TACR1: variants seen among roughly 807,000 people sequenced by gnomAD.
TACR1 encodes tachykinin receptor 1.
TACR1 carries 25 observed loss-of-function variants against 35.8 expected under a neutral mutation model. That is an observed-to-expected ratio of 0.70 (90% confidence interval 0.51 to 0.98). The LOEUF is 0.98. TACR1 is among the 50% of genes least tolerant of loss of function. The pLI, the probability that TACR1 is intolerant of heterozygous loss-of-function variation, is 0.00. For missense variants in TACR1, 478 were observed against 522.9 expected (o/e 0.91, Z 0.84); for synonymous variants, 195 against 206.7 (o/e 0.94, Z 0.48).
intron 2 of TACR1, among the ~76,000 whole-genome samples, chr2:75,074,634 A>T (rs1672943135): frequency 6.6e-6 from 1 of 152,164 alleles, no homozygotes; most frequent in African/African-American, 2.4e-5. Flanking sequence ...AAAGTGAGAA[A>T]ACTCTTTCAC....
intron 1 of TACR1, chr2:75,187,728 T>C (rs1208212594): frequency 6.6e-6 from 1 of 152,222 alleles, no homozygotes; most frequent in Non-Finnish European, 1.5e-5. Context: ...GGTTCATGCA[T>C]TTGTGAAGCA....
At chr2:75,078,718 C>T (rs1202175555) in intron 2 of TACR1, among the ~76,000 whole-genome samples, 1 of 152,150 alleles carries the variant, frequency 6.6e-6, no homozygotes, top group Non-Finnish European at 1.5e-5. Flanking sequence ...ATTTTCTTTG[C>T]ATCAGAAGAG....
chr2:75,099,159 C>G lies in TACR1; in HGVS notation c.584+21415G>C, dbSNP rs146950668. The stretch of plus-strand genomic sequence containing the variant: ...CAGCTCTGGCTCGGAGCCTCCCTCA[C>G]TATCCCAGCCTCTGTCTCACCCCAG... On this transcript the variant is annotated intron_variant, in intron 2 of 4. Coordinates refer to ENST00000305249, the MANE Select transcript of TACR1 (RefSeq NM_001058.4). Among the ~76,000 whole-genome samples, 804 of 152,274 alleles carry G rather than the reference C, an allele frequency of 5.3e-3. 3 individuals are homozygous for G. The highest frequency in any genetic ancestry group is 9.2e-3 in the Admixed American group (141 of 15,288).
chr2:75,073,135 C>A (rs1381530199), intron 2 of TACR1, among the ~76,000 whole-genome samples: 1 of 152,194 alleles, frequency 6.6e-6, no homozygotes, highest in Non-Finnish European at 1.5e-5. Flanking sequence ...TGTTTGGAAA[C>A]CCCTGAGAAT....
At chr2:75,194,447 G>A (rs3755469) in intron 1 of TACR1, among the ~76,000 whole-genome samples, 85,803 of 151,968 alleles carry the variant, frequency 0.56, 26,657 homozygotes, top group African/African-American at 0.85. Flanking sequence ...TGGGGTGAGG[G>A]AAGACTGCTC....
At chr2:75,079,694 A>C (rs1339252549) in intron 2 of TACR1, among the ~76,000 whole-genome samples, 1 of 148,922 alleles carries the variant, frequency 6.7e-6, no homozygotes, top group East Asian at 1.9e-4. Flanking sequence ...GGATTCATTT[A>C]CATCTCAGGA....
At chr2:75,075,575 T>C (rs1270009646) in intron 2 of TACR1, among the ~76,000 whole-genome samples, 1 of 152,126 alleles carries the variant, frequency 6.6e-6, no homozygotes, top group Non-Finnish European at 1.5e-5. Flanking sequence ...TTTGTAAAAA[T>C]AAAAATATAT....
intron 1 of TACR1, among the ~76,000 whole-genome samples, chr2:75,123,095 A>G (rs1674002166): frequency 6.6e-6 from 1 of 152,220 alleles, no homozygotes; most frequent in South Asian, 2.1e-4. Flanking sequence ...CCAGATGGTC[A>G]TGGCCAGAAC....
intron 1 of TACR1, among the ~76,000 whole-genome samples, chr2:75,147,417 A>T (rs1490963947): frequency 6.6e-6 from 1 of 152,188 alleles, no homozygotes; most frequent in Non-Finnish European, 1.5e-5. Context: ...ATTTTTAAAA[A>T]TTTTTATTTT....
intron 1 of TACR1, among the ~76,000 whole-genome samples, chr2:75,124,934 T>G (rs947351994): frequency 6.6e-6 from 1 of 152,186 alleles, no homozygotes; most frequent in African/African-American, 2.4e-5. Context: ...AGTAAGGTGG[T>G]CTACGGCCAG....
intron 2 of TACR1, among the ~76,000 whole-genome samples, chr2:75,085,989 T>C (rs542810126): frequency 6.6e-6 from 1 of 152,318 alleles, no homozygotes; most frequent in Non-Finnish European, 1.5e-5. Context: ...ATTATGAAAG[T>C]AATAGTTTCT....
intron 1 of TACR1, among the ~76,000 whole-genome samples, chr2:75,181,302 TC>T (rs1675552461): frequency 6.6e-6 from 1 of 152,044 alleles, no homozygotes; most frequent in African/African-American, 2.4e-5. Context: ...AAAGCTTCTT[TC>T]CAAAATTTCC....
chr2:75,140,772 T>C (rs1303372841), intron 1 of TACR1, among the ~76,000 whole-genome samples: 3 of 152,196 alleles, frequency 2.0e-5, no homozygotes. Context: ...TATGCATTCC[T>C]TGTGGTGTCT....
chr2:75,172,209 G>A (rs933604935), intron 1 of TACR1, among the ~76,000 whole-genome samples: 31 of 152,132 alleles, frequency 2.0e-4, no homozygotes, highest in African/African-American at 7.0e-4. Flanking sequence ...AGCCAAACTG[G>A]GTTTGACAAA....
intron 2 of TACR1, among the ~76,000 whole-genome samples, chr2:75,061,593 C>T (rs1189730986): frequency 1.3e-5 from 2 of 152,184 alleles, no homozygotes; most frequent in East Asian, 3.9e-4. Context: ...TCCCATCTTT[C>T]TGCAGAGACA....
intron 1 of TACR1, among the ~76,000 whole-genome samples, chr2:75,184,540 A>T (rs2104059733): frequency 6.6e-6 from 1 of 152,046 alleles, no homozygotes; most frequent in Admixed American, 6.5e-5. Context: ...AAAAAACCAG[A>T]AAAATCATTA....
chr2:75,070,219 ATGTG>A (rs961134818), intron 2 of TACR1, among the ~76,000 whole-genome samples: 2 of 89,156 alleles, frequency 2.2e-5, no homozygotes, highest in African/African-American at 7.1e-5. Flanking sequence ...CATTGTATGT[ATGTG>A]TGTGTGTGTA....
At chr2:75,141,700 G>A (rs1674411395) in intron 1 of TACR1, among the ~76,000 whole-genome samples, 1 of 152,178 alleles carries the variant, frequency 6.6e-6, no homozygotes. Flanking sequence ...ATACGCAGAT[G>A]AATGAGGCAT....
intron 2 of TACR1, among the ~76,000 whole-genome samples, chr2:75,096,852 T>C (rs746421241): frequency 1.4e-4 from 21 of 152,206 alleles, no homozygotes; most frequent in Non-Finnish European, 1.8e-4. Flanking sequence ...CTTGCTTCAG[T>C]GGAAGATGAG....
Sources: allele counts gnomAD v4.1 joint callset (sites outside exome capture counted in the v4.1 genomes callset), GRCh38; gene constraint gnomAD v4.1.1; transcripts MANE v1.5; gene names NCBI Gene and HGNC (gene_info 2026-07-23, HGNC 2026-07-21).